PGPEP1: variants seen among roughly 807,000 people sequenced by gnomAD.
PGPEP1 encodes the protein pyroglutamyl-peptidase I.
Under a neutral mutation model 24.1 loss-of-function variants are expected in PGPEP1, and 15 were observed. The observed-to-expected ratio is 0.62, with a 90% CI of 0.42 to 0.96. PGPEP1 has a LOEUF of 0.96. Ranked by LOEUF, PGPEP1 falls within the 40% of genes least tolerant of loss-of-function variation. PGPEP1 has a pLI of 0.00. For synonymous variants in PGPEP1, 122 were observed against 116.4 expected (o/e 1.05, Z -0.31); for missense variants, 242 against 273.4 (o/e 0.89, Z 0.81).
intron 2 of PGPEP1, among the ~76,000 whole-genome samples, chr19:18,351,176 A>T (rs1053370524): frequency 2.0e-5 from 3 of 148,118 alleles, no homozygotes; most frequent in African/African-American, 7.5e-5. Flanking sequence ...GAGGCAGGAG[A>T]ATCACTTGAA....
intron 2 of PGPEP1, among the ~76,000 whole-genome samples, chr19:18,348,084 TC>T (rs377110641): frequency 6.6e-5 from 10 of 151,840 alleles, no homozygotes; most frequent in African/African-American, 2.4e-4. Flanking sequence ...GATGGCAGCT[TC>T]CCCCAGCACC....
In PGPEP1 at chr19:18,366,218, C is replaced by CT. The variant is rs1437051164; in HGVS notation, c.*2636dup. Reference sequence around the variant, plus strand: ...AAATGGGGAAGGGGATGTGCCAGGCCTGAACTGAGCTAAGCACCTGCCCCG... The same window carrying CT: ...AAATGGGGAAGGGGATGTGCCAGGCCTTGAACTGAGCTAAGCACCTGCCCCG... On this transcript the variant is annotated 3_prime_UTR_variant, in exon 5 of 5. Coordinates refer to ENST00000269919, the MANE Select transcript of PGPEP1 (RefSeq NM_017712.4). The CT allele has an allele frequency of 6.6e-6, 1 of 152,232 alleles. No individual in the cohort carries two copies. Among genetic ancestry groups the CT allele is most frequent in the Non-Finnish European group, 1.5e-5 (1 of 68,134 alleles). 9.4% of individuals were successfully genotyped at this position (152,232 alleles called of 1,614,324 possible).
intron 2 of PGPEP1, among the ~76,000 whole-genome samples, chr19:18,345,217 G>A: frequency 6.6e-6 from 1 of 151,878 alleles, no homozygotes; most frequent in South Asian, 2.1e-4. Flanking sequence ...GACCAGGCTG[G>A]TCTTGAACTC....
intron 2 of PGPEP1, 51 bp from the exon 3 acceptor site, chr19:18,355,844 C>T: frequency 1.8e-6 from 2 of 1,141,012 alleles, no homozygotes; most frequent in Non-Finnish European, 1.3e-6. Flanking sequence ...AGCGCATTAT[C>T]CCCATAGCTG....
At chr19:18,343,515 G>C (rs751565092) in intron 2 of PGPEP1, among the ~76,000 whole-genome samples, 12 of 152,102 alleles carry the variant, frequency 7.9e-5, no homozygotes, top group Non-Finnish European at 1.5e-4. Context: ...CAAGAAATGG[G>C]AGTGGCATTG....
chr19:18,342,152 G>A (rs527600777), intron 1 of PGPEP1, among the ~76,000 whole-genome samples: 4 of 152,102 alleles, frequency 2.6e-5, no homozygotes, highest in South Asian at 2.1e-4. Context: ...CAGGTGATCC[G>A]CCCGCCTTGG....
At position 18,340,668 on chromosome 19, in the gene PGPEP1, A is replaced by T; in HGVS notation, c.-14A>T. On this transcript the variant is annotated 5_prime_UTR_variant, in exon 1 of 5. Coordinates refer to ENST00000269919, the MANE Select transcript of PGPEP1 (RefSeq NM_017712.4). ...CGCAACAGAAGCAGGTCCGAGGCACAGCCCGATCCCGCCATGGAGCAGCCG... is the reference window on the plus strand; with the variant it reads ...CGCAACAGAAGCAGGTCCGAGGCACTGCCCGATCCCGCCATGGAGCAGCCG... 6.5e-7 allele frequency: 1 copy of T among 1,540,850 alleles called. No individual in the cohort carries two copies. The highest frequency in any genetic ancestry group is 8.7e-7 in the Non-Finnish European group (1 of 1,146,346).
chr19:18,342,977 C>A, intron 2 of PGPEP1, 66 bp downstream of exon 2: 1 of 1,178,782 alleles, frequency 8.5e-7, no homozygotes, highest in Non-Finnish European at 1.3e-6. Flanking sequence ...GTTATGGCAT[C>A]CAAGAAGGTC....
rs750646517 is a variant in PGPEP1, at chr19:18,367,554, C to T, written c.*3971C>T. 8 of 151,918 alleles carry T rather than the reference C, an allele frequency of 5.3e-5. No homozygotes were observed. Among genetic ancestry groups the T allele is most frequent in the Non-Finnish European group, 1.2e-4 (8 of 68,018 alleles). 9.4% of individuals were successfully genotyped at this position (151,918 alleles called of 1,614,324 possible). ...TTCCTTTATTCGGCCCCTAGCACCC[C>T]CTCCCCACCCCAAAGAAGGTCAGTT... On this transcript the variant is annotated 3_prime_UTR_variant, in exon 5 of 5. Coordinates refer to ENST00000269919, the MANE Select transcript of PGPEP1 (RefSeq NM_017712.4).
intron 4 of PGPEP1, among the ~76,000 whole-genome samples, chr19:18,363,056 TG>T: frequency 6.6e-6 from 1 of 151,408 alleles, no homozygotes; most frequent in African/African-American, 2.4e-5. Context: ...TGTGTGTGTG[TG>T]TGTGTGTGTG....
At chr19:18,353,696 G>A (rs1971103119) in intron 2 of PGPEP1, among the ~76,000 whole-genome samples, 1 of 152,042 alleles carries the variant, frequency 6.6e-6, no homozygotes, top group South Asian at 2.1e-4. Flanking sequence ...CTGTCTCTAT[G>A]GATTTGCCTG....
At chr19:18,348,083 T>G (rs1970908463) in intron 2 of PGPEP1, among the ~76,000 whole-genome samples, 1 of 152,018 alleles carries the variant, frequency 6.6e-6, no homozygotes, top group African/African-American at 2.4e-5. Context: ...GGATGGCAGC[T>G]TCCCCCAGCA....
rs1411523986 is a variant in PGPEP1, at chr19:18,357,395, G to A, written c.217G>A (p.Val73Met). 6.2e-7 allele frequency: 1 copy of A among 1,613,488 alleles called. No homozygotes were observed. Among genetic ancestry groups the A allele is most frequent in the African/African-American group, 1.3e-5 (1 of 74,922 alleles). The change falls in exon 4 of 5, where the codon GTG (valine) becomes ATG (methionine). Residue 73 changes from valine (V) to methionine (M), a missense_variant. Transcript: ENST00000269919. The stretch of plus-strand genomic sequence containing the variant: ...TGTCTGTGTGCAGCTGGTGGTGCAT[G>A]TGGGGGTGTCAGGCATGGCGACCAC... The part of the protein sequence containing the change: ...EKHSPQLVVH[V>M]GVSGMATTVT...
chr19:18,362,606 T>C (rs1264373001), intron 4 of PGPEP1, among the ~76,000 whole-genome samples: 8 of 150,804 alleles, frequency 5.3e-5, no homozygotes, highest in Non-Finnish European at 1.0e-4. Flanking sequence ...CCCACGCCCG[T>C]AATCCCAGCT....
At chr19:18,353,220 A>ATT (rs371750193) in intron 2 of PGPEP1, among the ~76,000 whole-genome samples, 2,087 of 141,736 alleles carry the variant, frequency 0.015, 60 homozygotes, top group African/African-American at 0.051. Flanking sequence ...GGCCTGGTTC[A>ATT]TTTTTTTTTT....
chr19:18,361,152 T>TA (rs1600223763), intron 4 of PGPEP1, among the ~76,000 whole-genome samples: 3 of 151,422 alleles, frequency 2.0e-5, no homozygotes, highest in Admixed American at 6.6e-5. Flanking sequence ...TCTTTTTTTT[T>TA]AAAGACAAGA....
chr19:18,348,166 C>T (rs1167201503), intron 2 of PGPEP1, among the ~76,000 whole-genome samples: 2 of 152,194 alleles, frequency 1.3e-5, no homozygotes, highest in Admixed American at 1.3e-4. Flanking sequence ...GGGGCACTGG[C>T]TGTGTTTCTC....
chr19:18,359,740 C>T (rs901608267), intron 4 of PGPEP1, among the ~76,000 whole-genome samples: 4 of 151,982 alleles, frequency 2.6e-5, no homozygotes, highest in Non-Finnish European at 5.9e-5. Flanking sequence ...CTCGAACTCC[C>T]GACCTCAAGT....
At chr19:18,351,637 A>AC (rs1425550680) in intron 2 of PGPEP1, among the ~76,000 whole-genome samples, 1 of 151,898 alleles carries the variant, frequency 6.6e-6, no homozygotes, top group Non-Finnish European at 1.5e-5. Context: ...AAAAAAAAAA[A>AC]AAAAAGAAGA....
Sources: gnomAD v4.1 joint callset for allele counts (sites outside exome capture counted in the v4.1 genomes callset) on GRCh38, gnomAD v4.1.1 for gene constraint, MANE v1.5 for transcripts, NCBI Gene and HGNC (gene_info 2026-07-23, HGNC 2026-07-21) for gene names.